The following COG3 variants were observed in gnomAD, a reference collection of about 807,000 sequenced individuals.
The protein encoded by COG3 is component of oligomeric golgi complex 3.
A neutral mutation model predicts 114.1 loss-of-function variants in COG3; 32 were observed. That is an observed-to-expected ratio of 0.28 (90% CI 0.21 to 0.38). The LOEUF (loss-of-function observed/expected upper bound fraction) is 0.38, where lower values mean the gene tolerates loss of function less well. Among genes scored for constraint, COG3 ranks in the 10% least tolerant of loss-of-function variants. The probability of loss-of-function intolerance (pLI) is 1.00; values close to 1 mark genes in which losing one functional copy is unlikely to be tolerated. For missense variants in COG3, 813 were observed against 973.2 expected (o/e 0.84, Z 2.19); for synonymous variants, 352 against 365.7 (o/e 0.96, Z 0.43).
In COG3 at chr13:45,536,104, T is replaced by G. The variant is rs929209620; in HGVS notation, c.*1373T>G. The G allele has an allele frequency of 6.6e-6, 1 of 152,474 alleles. No homozygotes were observed. The highest frequency in any genetic ancestry group is 2.5e-5 in the African/African-American group (1 of 40,756). 9.4% of individuals were successfully genotyped at this position (152,474 alleles called of 1,614,324 possible). ...ATGGACGTTGCTTGATTGAGCTTAT[T>G]ACTCTCTATTTTGAGAAGGTAGAAG... On this transcript the variant is annotated 3_prime_UTR_variant, in exon 23 of 23. Coordinates refer to ENST00000349995, the MANE Select transcript of COG3 (RefSeq NM_031431.4).
intron 17 of COG3, among the ~76,000 whole-genome samples, chr13:45,518,356 A>T (rs1428123599): frequency 6.6e-6 from 1 of 152,186 alleles, no homozygotes; most frequent in Non-Finnish European, 1.5e-5. Context: ...TTCTTGGCTG[A>T]CACATTAGTT....
chr13:45,478,988 A>G lies in COG3; in HGVS notation c.322-17A>G. The stretch of plus-strand genomic sequence containing the variant: ...CAGTTTTAGTTTTGTTCACAATATA[A>G]TACTCTGTTTTTCCAGTTTTTCTCA... On this transcript the variant is annotated splice_polypyrimidine_tract_variant and intron_variant, in intron 2 of 22. Transcript: ENST00000349995. 6.3e-7 allele frequency: 1 copy of G among 1,595,242 alleles called. No homozygotes were observed. Among genetic ancestry groups the G allele is most frequent in the African/African-American group, 1.3e-5 (1 of 74,500 alleles).
chr13:45,478,830 TG>T (rs752245922), intron 2 of COG3, among the ~76,000 whole-genome samples, 174 bp from the exon 3 acceptor site: 4 of 152,208 alleles, frequency 2.6e-5, no homozygotes, highest in Non-Finnish European at 5.9e-5. Flanking sequence ...TCCTAGCATA[TG>T]GGTATTGTGG....
At chr13:45,510,102 C>T (rs1870695669) in intron 15 of COG3, among the ~76,000 whole-genome samples, 1 of 152,034 alleles carries the variant, frequency 6.6e-6, no homozygotes, top group Non-Finnish European at 1.5e-5. Context: ...ACCCTGACTG[C>T]ATTTAGAGCA....
intron 3 of COG3, 116 bp downstream of exon 3, chr13:45,479,182 C>A: frequency 2.8e-6 from 2 of 710,078 alleles, no homozygotes; most frequent in Non-Finnish European, 4.7e-6. Context: ...CTGTAACAGC[C>A]ATATATTCTT....
Position 45,534,729 on chromosome 13 carries a change from TA to T in COG3, c.2487del (p.Ter829=). 1 of 1,563,302 alleles carries T rather than the reference TA, an allele frequency of 6.4e-7. No homozygotes were observed. The highest frequency in any genetic ancestry group is 8.7e-7 in the Non-Finnish European group (1 of 1,153,018). On this transcript the variant is annotated frameshift_variant and stop_lost, in exon 23 of 23. Coordinates refer to ENST00000349995, the MANE Select transcript of COG3 (RefSeq NM_031431.4). LOFTEE classifies it high-confidence loss of function. Reference sequence around the variant, plus strand: ...GAGCCTTCTGCTGTTGGTTTCTAAATAAGCAGGCCAGCCGGGCTGTGCACCT... The same window carrying T: ...GAGCCTTCTGCTGTTGGTTTCTAAATAGCAGGCCAGCCGGGCTGTGCACCT... ...QLSLLLLVSK[*>X]
chr13:45,478,458 C>T (rs1226824514), intron 2 of COG3, among the ~76,000 whole-genome samples: 13 of 150,038 alleles, frequency 8.7e-5, no homozygotes, highest in Admixed American at 7.3e-4. Flanking sequence ...AGATTACAGG[C>T]GTGAGCCACC....
chr13:45,530,304 AT>A (rs1873057069), intron 21 of COG3, among the ~76,000 whole-genome samples: 1 of 152,196 alleles, frequency 6.6e-6, no homozygotes, highest in Non-Finnish European at 1.5e-5. Flanking sequence ...GTCAGAGCAA[AT>A]TTAGGGCTCA....
At chr13:45,493,236 A>G in intron 11 of COG3, 111 bp from the exon 12 acceptor site, 3 of 790,776 alleles carry the variant, frequency 3.8e-6, no homozygotes, top group Non-Finnish European at 6.2e-6. Flanking sequence ...ACTATTTTCC[A>G]GTAGATACTT....
intron 22 of COG3, 145 bp downstream of exon 22, chr13:45,530,925 T>A: frequency 7.6e-6 from 10 of 1,322,960 alleles, no homozygotes; most frequent in Non-Finnish European, 9.7e-6. Flanking sequence ...GAATTCAGCC[T>A]TTGAATTGTT....
intron 20 of COG3, among the ~76,000 whole-genome samples, chr13:45,528,675 C>T (rs1197023337): frequency 1.3e-5 from 2 of 152,146 alleles, no homozygotes; most frequent in Non-Finnish European, 2.9e-5. Flanking sequence ...TTGTACTATA[C>T]CCCTTGCTAT....
chr13:45,486,289 T>TGGGGAGA (rs1886641679), intron 7 of COG3, among the ~76,000 whole-genome samples: 4 of 108,776 alleles, frequency 3.7e-5, no homozygotes, highest in Non-Finnish European at 5.4e-5. Context: ...AGGGAGACCA[T>TGGGGAGA]CGGGAGACGG....
At chr13:45,488,555 A>G (rs1445277950) in intron 8 of COG3, among the ~76,000 whole-genome samples, 1 of 152,216 alleles carries the variant, frequency 6.6e-6, no homozygotes. Flanking sequence ...ATTATGGTGA[A>G]GAGAGATTTG....
In COG3 at chr13:45,468,431, G is replaced by A. The variant is rs116933850; in HGVS notation, c.174+3221G>A. On this transcript the variant is annotated intron_variant, in intron 1 of 22. Coordinates refer to ENST00000349995, the MANE Select transcript of COG3 (RefSeq NM_031431.4). ...CCTGTGATGCTGAGCTGGTATAGGT[G>A]TCATTCAGACCAAAGGTAAGAAAAG... 9.9e-5 allele frequency among the ~76,000 whole-genome samples: 15 copies of A among 152,280 alleles called. No individual in the cohort carries two copies. In the East Asian group the frequency reaches 2.9e-3, roughly 29 times the overall value.
At chr13:45,484,339 C>T (rs1473433786) in intron 7 of COG3, among the ~76,000 whole-genome samples, 2 of 152,026 alleles carry the variant, frequency 1.3e-5, no homozygotes, top group African/African-American at 4.8e-5. Context: ...TGCACCAAAC[C>T]TTTAGGAGTT....
chr13:45,491,473 G>T lies in COG3; in HGVS notation c.1030G>T (p.Gly344Cys). ...CYLDQRELLL[G>C]PSIACTVAEL... ...CCTTGATCAGCGGGAGCTCCTTTTGGGCCCTAGTATTGCTTGCACTGTTGC... is the reference window on the plus strand; with the variant it reads ...CCTTGATCAGCGGGAGCTCCTTTTGTGCCCTAGTATTGCTTGCACTGTTGC... Residue 344 changes from glycine (G) to cysteine (C), a missense_variant, in exon 10 of 23, where the codon GGC (glycine) becomes TGC (cysteine). Coordinates refer to ENST00000349995, the MANE Select transcript of COG3 (RefSeq NM_031431.4). The T allele has an allele frequency of 6.2e-7, 1 of 1,613,568 alleles. No individual in the cohort carries two copies. Among genetic ancestry groups the T allele is most frequent in the South Asian group, 1.1e-5 (1 of 91,036 alleles).
rs1235768747 is a variant in COG3, at chr13:45,482,362, TTTTC to T, written c.625-15_625-12del. 7.8e-7 allele frequency: 1 copy of T among 1,282,534 alleles called. No individual in the cohort carries two copies. Among genetic ancestry groups the T allele is most frequent in the African/African-American group, 1.5e-5 (1 of 66,910 alleles). The allele number at this position is 1,282,534 out of a possible 1,614,324, so 79.4% of individuals were successfully genotyped here. A position where few individuals can be genotyped will look rare whatever the true frequency, so the allele number is the denominator to read the frequency against. ...TATCATTTTTTATGAATTAAGATTG[TTTTC>T]TTTTTCTCTTAAAGAAATTGAATTC... On this transcript the variant is annotated splice_polypyrimidine_tract_variant and intron_variant, in intron 5 of 22. Coordinates refer to ENST00000349995, the MANE Select transcript of COG3 (RefSeq NM_031431.4).
intron 16 of COG3, among the ~76,000 whole-genome samples, chr13:45,513,788 A>G (rs1871229556): frequency 6.6e-6 from 1 of 151,926 alleles, no homozygotes. Flanking sequence ...TAATAGGTGA[A>G]ATTAGAAAAC....
intron 8 of COG3, among the ~76,000 whole-genome samples, chr13:45,487,029 CAG>C (rs375481667): frequency 1.3e-5 from 2 of 152,166 alleles, no homozygotes; most frequent in Non-Finnish European, 2.9e-5. Context: ...GTATCTTAAA[CAG>C]AGGAGTTATT....
Sources: allele counts gnomAD v4.1 joint callset (sites outside exome capture counted in the v4.1 genomes callset), GRCh38; gene constraint gnomAD v4.1.1; transcripts MANE v1.5; gene names NCBI Gene and HGNC (gene_info 2026-07-23, HGNC 2026-07-21).